Variants in ELFN2 observed in about 807,000 individuals in gnomAD.
ELFN2 encodes the protein protein phosphatase 1 regulatory subunit 29.
A neutral mutation model predicts 45.5 loss-of-function variants in ELFN2; 17 were observed. That is an observed-to-expected ratio of 0.37 (90% CI 0.26 to 0.56). ELFN2 has a LOEUF of 0.56. Ranked by LOEUF, ELFN2 falls within the 20% of genes least tolerant of loss-of-function variation. The pLI, the probability that ELFN2 is intolerant of heterozygous loss-of-function variation, is 0.77. For synonymous variants in ELFN2, 550 were observed against 551.5 expected, an observed-to-expected ratio of 1.00 and a Z score of 0.04; for missense variants, 922 against 1,183.2, an observed-to-expected ratio of 0.78 and a Z score of 3.24.
At chr22:37,377,858 C>T (rs917481422) in intron 2 of ELFN2, among the ~76,000 whole-genome samples, 2 of 152,174 alleles carry the variant, frequency 1.3e-5, no homozygotes, top group African/African-American at 4.8e-5. Flanking sequence ...GAGACCTTGG[C>T]CCCCGTCCAG....
chr22:37,358,348 A>C (rs1168881131), intron 1 of ELFN2, among the ~76,000 whole-genome samples: 1 of 152,212 alleles, frequency 6.6e-6, no homozygotes, highest in Non-Finnish European at 1.5e-5. Context: ...AGTGAGTTCA[A>C]GCAAGAGACA....
intron 2 of ELFN2, among the ~76,000 whole-genome samples, chr22:37,394,310 A>AG: frequency 6.6e-6 from 1 of 152,228 alleles, no homozygotes; most frequent in South Asian, 2.1e-4. Context: ...GTGTGCCCCA[A>AG]GGTCCTCCCC....
At position 37,368,320 on chromosome 22, in the gene ELFN2, G is replaced by T. The variant is rs1931256119; in HGVS notation, c.*4752C>A. 2 of 152,418 alleles carry T rather than the reference G, an allele frequency of 1.3e-5. No individual in the cohort carries two copies. Among genetic ancestry groups the T allele is most frequent in the Admixed American group, 1.3e-4 (2 of 15,294 alleles). The allele number at this position is 152,418 out of a possible 1,614,324, so 9.4% of individuals were successfully genotyped here. Reference sequence around the variant, plus strand: ...GGAGGGAAGTGTGGCCGCCACTGCAGGAACTCCAAGCCCCTGTCCCAGCCC... The same window carrying T: ...GGAGGGAAGTGTGGCCGCCACTGCATGAACTCCAAGCCCCTGTCCCAGCCC... On this transcript the variant is annotated 3_prime_UTR_variant, in exon 3 of 3. Transcript: ENST00000402918.
chr22:37,363,930 G>C (rs1931145540), downstream of ELFN2, among the ~76,000 whole-genome samples: 1 of 152,200 alleles, frequency 6.6e-6, no homozygotes, highest in African/African-American at 2.4e-5. Flanking sequence ...CCTAGCATCA[G>C]GTCTCCTTCC....
Position 37,417,426 on chromosome 22 carries a change from C to A in ELFN2, c.-463+343G>T, listed in dbSNP as rs1214025065. Among the ~76,000 whole-genome samples the A allele has an allele frequency of 6.6e-6, 1 of 152,202 alleles. No individual in the cohort carries two copies. The highest frequency in any genetic ancestry group is 1.5e-5 in the Non-Finnish European group (1 of 68,028). ...TCCACCCCCAGCAGGTGCACAGATG[C>A]CCCCTGACCTGCTGGAGTGCAGACT... is the stretch of plus-strand genomic sequence containing the variant. On this transcript the variant is annotated intron_variant, in intron 2 of 2. Transcript: ENST00000402918. This position sits in a 1 kb window ranked among gnomAD's most constrained non-coding sequence, Gnocchi z 4.5.
chr22:37,416,291 G>A lies in ELFN2; in HGVS notation c.-463+1478C>T, dbSNP rs1474481048. On this transcript the variant is annotated intron_variant, in intron 2 of 2. Transcript: ENST00000402918. ...AGAGAGACAGGCTCCCCCAGGGAAG[G>A]AGTTAGGCCTGCTGAGTCCGGCACT... Among the ~76,000 whole-genome samples, 3 of 152,206 alleles carry A rather than the reference G, an allele frequency of 2.0e-5. No individual in the cohort carries two copies. In the East Asian group the frequency reaches 5.8e-4, roughly 29 times the overall value.
At chr22:37,376,941 C>T (rs2037289716) in intron 2 of ELFN2, among the ~76,000 whole-genome samples, 1 of 152,214 alleles carries the variant, frequency 6.6e-6, no homozygotes, top group African/African-American at 2.4e-5. Flanking sequence ...ACAGCCTAGA[C>T]CAGGATCAAG....
At chr22:37,351,412 C>T (rs1392898558) in intron 1 of ELFN2, among the ~76,000 whole-genome samples, 1 of 150,256 alleles carries the variant, frequency 6.7e-6, no homozygotes, top group Non-Finnish European at 1.5e-5. Context: ...TGCCCTAGCC[C>T]TGCCCTTCTC....
chr22:37,403,532 G>A (rs1442847752), intron 2 of ELFN2, among the ~76,000 whole-genome samples: 1 of 152,216 alleles, frequency 6.6e-6, no homozygotes, highest in African/African-American at 2.4e-5. Context: ...TGGGCGGTTT[G>A]GGCTCCCGGG....
At chr22:37,408,461 G>C (rs1056893860) in intron 2 of ELFN2, among the ~76,000 whole-genome samples, 4 of 152,246 alleles carry the variant, frequency 2.6e-5, no homozygotes, top group African/African-American at 9.6e-5. Context: ...CCAAGGAAGT[G>C]CTGTTAACCC....
chr22:37,357,607 A>T (rs1206836558), intron 1 of ELFN2, among the ~76,000 whole-genome samples: 1 of 152,212 alleles, frequency 6.6e-6, no homozygotes, highest in African/African-American at 2.4e-5. Context: ...TCAAAATCAA[A>T]TGGGAGCCAC....
intron 2 of ELFN2, among the ~76,000 whole-genome samples, chr22:37,406,289 C>T (rs751253351): frequency 1.3e-5 from 2 of 152,220 alleles, no homozygotes; most frequent in Non-Finnish European, 2.9e-5. Context: ...ACAGCAGTTA[C>T]GATCGGTGAT....
Position 37,373,030 on chromosome 22 carries a change from C to T in ELFN2, c.*42G>A. ...CCTGGACCCTTCCCCCAAAAGGCCCCCAGCCCTCTGGCTCCGACCTCACCA... is the reference window on the plus strand; with the variant it reads ...CCTGGACCCTTCCCCCAAAAGGCCCTCAGCCCTCTGGCTCCGACCTCACCA... On this transcript the variant is annotated 3_prime_UTR_variant, in exon 3 of 3. Coordinates refer to ENST00000402918, the MANE Select transcript of ELFN2 (RefSeq NM_052906.5). 1 of 1,542,770 alleles carries T rather than the reference C, an allele frequency of 6.5e-7. No homozygotes were observed. The highest frequency in any genetic ancestry group is 8.7e-7 in the Non-Finnish European group (1 of 1,143,418).
At chr22:37,384,068 G>A (rs774186464) in intron 2 of ELFN2, among the ~76,000 whole-genome samples, 145 of 151,962 alleles carry the variant, frequency 9.5e-4, no homozygotes, top group Non-Finnish European at 1.6e-3. Context: ...TGGCTCACCC[G>A]GTCCCCGTGC....
chr22:37,410,753 T>C (rs1341312455), intron 2 of ELFN2, among the ~76,000 whole-genome samples: 1 of 152,142 alleles, frequency 6.6e-6, no homozygotes, highest in Non-Finnish European at 1.5e-5. Flanking sequence ...CGGAGGATGA[T>C]CGGGCCGGAG....
chr22:37,376,363 AC>A (rs1569133362), intron 2 of ELFN2, among the ~76,000 whole-genome samples: 4 of 151,912 alleles, frequency 2.6e-5, no homozygotes, highest in Non-Finnish European at 4.4e-5. Context: ...ACATGCCCCC[AC>A]ATGAGCCAGA....
chr22:37,363,704 A>G (rs117972882), downstream of ELFN2, among the ~76,000 whole-genome samples: 182 of 152,300 alleles, frequency 1.2e-3, no homozygotes, highest in Middle Eastern at 3.4e-3. Flanking sequence ...CTAGGAGTCT[A>G]GCCGTGAAAC....
At chr22:37,347,754 G>A (rs187005741) in intron 1 of ELFN2, among the ~76,000 whole-genome samples, 86 of 152,150 alleles carry the variant, frequency 5.7e-4, no homozygotes, top group African/African-American at 1.9e-3. Flanking sequence ...AGTTCACTAT[G>A]AAGATGGGCC....
chr22:37,378,765 C>G (rs1323011300), intron 2 of ELFN2, among the ~76,000 whole-genome samples: 1 of 152,240 alleles, frequency 6.6e-6, no homozygotes, highest in African/African-American at 2.4e-5. Flanking sequence ...GTCCCCATCC[C>G]GGGCTGCCTG....
Sources: allele counts gnomAD v4.1 joint callset (sites outside exome capture counted in the v4.1 genomes callset), GRCh38; gene constraint gnomAD v4.1.1; non-coding constraint Gnocchi (gnomAD v3.1); transcripts MANE v1.5; gene names NCBI Gene and HGNC (gene_info 2026-07-23, HGNC 2026-07-21).